Variants in SND1 observed in about 807,000 individuals in gnomAD.
The protein encoded by SND1 is staphylococcal nuclease and tudor domain containing 1, also known as staphylococcal nuclease domain-containing protein 1.
In SND1, 38 loss-of-function variants were observed where a neutral mutation model predicts 121.7. That is an observed-to-expected ratio of 0.31 (90% confidence interval 0.24 to 0.41). The LOEUF is 0.41. Ranked by LOEUF, SND1 falls within the 10% of genes least tolerant of loss-of-function variation. The pLI, the probability that SND1 is intolerant of heterozygous loss-of-function variation, is 1.00. For missense variants in SND1, 868 were observed against 1,184.6 expected, an observed-to-expected ratio of 0.73 and a Z score of 3.92; for synonymous variants, 401 against 447.4, an observed-to-expected ratio of 0.90 and a Z score of 1.31.
At chr7:127,673,124 T>C (rs1262680333) in intron 1 of SND1, among the ~76,000 whole-genome samples, 1 of 148,398 alleles carries the variant, frequency 6.7e-6, no homozygotes, top group Non-Finnish European at 1.5e-5. Flanking sequence ...ATAGCTAAAC[T>C]ATATATTCTA....
intron 8 of SND1, among the ~76,000 whole-genome samples, chr7:127,705,804 G>T (rs770096639): frequency 2.0e-5 from 3 of 152,310 alleles, no homozygotes; most frequent in Non-Finnish European, 1.5e-5. Flanking sequence ...AAGTCTTGCT[G>T]TATGACTTGT....
chr7:127,776,408 A>G (rs914071923), intron 10 of SND1, among the ~76,000 whole-genome samples: 1 of 152,220 alleles, frequency 6.6e-6, no homozygotes, highest in Non-Finnish European at 1.5e-5. Context: ...CAATAAATTT[A>G]TGATGTAAAA....
chr7:128,008,110 G>C (rs972146303), intron 16 of SND1: 1 of 152,224 alleles, frequency 6.6e-6, no homozygotes, highest in Non-Finnish European at 1.5e-5. Context: ...GCATATAAAA[G>C]GGAGTAGGTG....
intron 10 of SND1, among the ~76,000 whole-genome samples, chr7:127,778,488 C>A (rs1797663114): frequency 6.6e-6 from 1 of 152,192 alleles, no homozygotes; most frequent in Non-Finnish European, 1.5e-5. Flanking sequence ...TGAGCCACCG[C>A]ACTCGGTCTA....
intron 10 of SND1, 44 bp downstream of exon 10, chr7:127,721,444 G>A (rs1368134764): frequency 3.7e-6 from 4 of 1,082,078 alleles, no homozygotes; most frequent in Admixed American, 1.8e-5. Context: ...TAAACCAAAA[G>A]GAAGAAGTTG....
chr7:127,742,410 C>T (rs188638520), intron 10 of SND1, among the ~76,000 whole-genome samples: 3 of 152,228 alleles, frequency 2.0e-5, no homozygotes, highest in Admixed American at 2.0e-4. Context: ...CTGAAGAGGC[C>T]GGAAACCTCC....
At chr7:127,675,590 A>C (rs566791461) in intron 1 of SND1, among the ~76,000 whole-genome samples, 39 of 152,294 alleles carry the variant, frequency 2.6e-4, no homozygotes, top group African/African-American at 8.9e-4. Context: ...GGAAGAGAAA[A>C]ATGAACACTG....
At chr7:127,661,522 T>G (rs1795310359) in intron 1 of SND1, among the ~76,000 whole-genome samples, 1 of 152,178 alleles carries the variant, frequency 6.6e-6, no homozygotes, top group South Asian at 2.1e-4. Context: ...GGCCCCATTC[T>G]TAACAACACT....
intron 1 of SND1, among the ~76,000 whole-genome samples, chr7:127,662,431 T>C (rs1472815783): frequency 2.0e-5 from 3 of 152,248 alleles, no homozygotes; most frequent in Non-Finnish European, 4.4e-5. Context: ...TTTTAGCTTT[T>C]CATAATTCTA....
intron 13 of SND1, among the ~76,000 whole-genome samples, chr7:127,892,773 G>A (rs910949396): frequency 6.6e-6 from 1 of 152,042 alleles, no homozygotes; most frequent in African/African-American, 2.4e-5. Flanking sequence ...GAGTTCCAGT[G>A]TGTGTAGCCT....
intron 12 of SND1, among the ~76,000 whole-genome samples, chr7:127,848,459 G>A (rs1006778004): frequency 5.3e-5 from 8 of 152,214 alleles, no homozygotes; most frequent in African/African-American, 1.9e-4. Context: ...TGAGGACATA[G>A]AATGTGCAAG....
intron 15 of SND1, among the ~76,000 whole-genome samples, chr7:127,953,940 A>C (rs1003072233): frequency 1.3e-5 from 2 of 152,216 alleles, no homozygotes; most frequent in Non-Finnish European, 2.9e-5. Flanking sequence ...TAATTTGATC[A>C]GTTGATTACT....
At chr7:127,808,414 C>G (rs910144905) in intron 11 of SND1, among the ~76,000 whole-genome samples, 2 of 152,200 alleles carry the variant, frequency 1.3e-5, no homozygotes, top group African/African-American at 4.8e-5. Context: ...ATCCACCCGC[C>G]TCAGCCTCCC....
intron 14 of SND1, among the ~76,000 whole-genome samples, chr7:127,923,590 G>A (rs917465225): frequency 2.6e-5 from 4 of 152,134 alleles, no homozygotes; most frequent in East Asian, 1.9e-4. Context: ...GCTCTTCATC[G>A]AATCATAAAC....
intron 11 of SND1, among the ~76,000 whole-genome samples, chr7:127,818,904 GT>G (rs1798496592): frequency 6.6e-6 from 1 of 152,248 alleles, no homozygotes; most frequent in African/African-American, 2.4e-5. Flanking sequence ...AGGTGACCAT[GT>G]TTTGGTGAGA....
intron 12 of SND1, among the ~76,000 whole-genome samples, chr7:127,883,763 G>T (rs1799842377): frequency 6.6e-6 from 1 of 152,102 alleles, no homozygotes; most frequent in South Asian, 2.1e-4. Flanking sequence ...ACTCTAGTCT[G>T]GAATAGTTCT....
intron 15 of SND1, among the ~76,000 whole-genome samples, chr7:127,969,916 G>T (rs1801944577): frequency 6.6e-6 from 1 of 152,108 alleles, no homozygotes; most frequent in African/African-American, 2.4e-5. Flanking sequence ...CTTTGCCTTA[G>T]TTTATCTTCT....
In SND1 at chr7:127,838,423, G is replaced by A. The variant is rs200859005; in HGVS notation, c.1243-5901G>A. 1.9e-4 allele frequency among the ~76,000 whole-genome samples: 29 copies of A among 152,246 alleles called. No individual in the cohort carries two copies. In the East Asian group the frequency reaches 2.3e-3, roughly 12 times the overall value. On this transcript the variant is annotated intron_variant, in intron 11 of 23. Transcript: ENST00000354725. ...TATATCCTACACTGTTAAGCCCAAA[G>A]CAAATGGAAACTTGGTTACTATTTG...
intron 13 of SND1, among the ~76,000 whole-genome samples, chr7:127,893,384 A>T (rs1254125974): frequency 6.6e-6 from 1 of 152,094 alleles, no homozygotes; most frequent in African/African-American, 2.4e-5. Flanking sequence ...ACATCTTCTG[A>T]TGCTACCAGT....
Sources: gnomAD v4.1 joint callset for allele counts (sites outside exome capture counted in the v4.1 genomes callset) on GRCh38, gnomAD v4.1.1 for gene constraint, MANE v1.5 for transcripts, NCBI Gene and HGNC (gene_info 2026-07-23, HGNC 2026-07-21) for gene names.